ABCD3: variants seen among roughly 807,000 people sequenced by gnomAD.
ABCD3 encodes ATP binding cassette subfamily D member 3.
In ABCD3, 41 loss-of-function variants were observed where a neutral mutation model predicts 105.5. The ratio of observed to expected loss-of-function variants is 0.39; its 90% CI spans 0.30 to 0.50. ABCD3 has a LOEUF of 0.50. ABCD3 is among the 20% of genes least tolerant of loss of function. ABCD3 has a pLI of 0.84. For missense variants in ABCD3, 622 were observed against 806.3 expected, an observed-to-expected ratio of 0.77 and a Z score of 2.77; for synonymous variants, 258 against 269.0, an observed-to-expected ratio of 0.96 and a Z score of 0.40.
At chr1:94,416,504 T>G (rs1394241498), upstream of ABCD3, among the ~76,000 whole-genome samples, 3 of 152,194 alleles carry the variant, frequency 2.0e-5, no homozygotes, top group East Asian at 5.8e-4. Flanking sequence ...CAGGCATACT[T>G]AATTACGTAA....
chr1:94,430,117 A>T (rs1659616962), intron 1 of ABCD3, among the ~76,000 whole-genome samples: 1 of 152,250 alleles, frequency 6.6e-6, no homozygotes, highest in Admixed American at 6.5e-5. Context: ...GCACTGCCAG[A>T]TTCTGAACTT....
the ABCD3 span, among the ~76,000 whole-genome samples, chr1:94,411,740 C>T: frequency 6.6e-6 from 1 of 152,102 alleles, no homozygotes; most frequent in Non-Finnish European, 1.5e-5. Context: ...GTAGAAACAA[C>T]CCAAATGTGC....
chr1:94,488,811 T>A (rs546356051), intron 13 of ABCD3, among the ~76,000 whole-genome samples: 98 of 86,658 alleles, frequency 1.1e-3, no homozygotes, highest in Non-Finnish European at 1.9e-3. Flanking sequence ...TTAGGGTGTT[T>A]CCTTTCACTC....
intron 1 of ABCD3, among the ~76,000 whole-genome samples, chr1:94,444,505 T>G (rs746538900): frequency 1.1e-4 from 16 of 152,166 alleles, no homozygotes; most frequent in Non-Finnish European, 1.9e-4. Context: ...CTGGACAACA[T>G]GTTGAACCTT....
At chr1:94,421,356 T>C (rs1168389792) in intron 1 of ABCD3, among the ~76,000 whole-genome samples, 1 of 152,146 alleles carries the variant, frequency 6.6e-6, no homozygotes, top group Non-Finnish European at 1.5e-5. Flanking sequence ...CACCAGAAAG[T>C]TCCTTTGTAT....
rs1419966651 is a variant in ABCD3, at chr1:94,517,509, A to G, written c.*380A>G. 15 of 248,982 alleles carry G rather than the reference A, an allele frequency of 6.0e-5. No individual in the cohort carries two copies. The highest frequency in any genetic ancestry group is 1.5e-3 in the Middle Eastern group (1 of 656). The allele number at this position is 248,982 out of a possible 1,614,324, so 15.4% of individuals were successfully genotyped here. ...CCTTCAGTGAAGAACCCTATTTAAAACTGGGTCATCATTTGTCCTGTTCTA... is the reference window on the plus strand; with the variant it reads ...CCTTCAGTGAAGAACCCTATTTAAAGCTGGGTCATCATTTGTCCTGTTCTA... On this transcript the variant is annotated 3_prime_UTR_variant, in exon 23 of 23. Coordinates refer to ENST00000370214, the MANE Select transcript of ABCD3 (RefSeq NM_002858.4).
chr1:94,416,668 A>T (rs1659030306), upstream of ABCD3, among the ~76,000 whole-genome samples: 2 of 152,290 alleles, frequency 1.3e-5, no homozygotes, highest in Non-Finnish European at 1.5e-5. Flanking sequence ...TCAAGACAAG[A>T]TGTAGAAACC....
At chr1:94,475,551 T>G in intron 6 of ABCD3, 63 bp from the exon 7 acceptor site, 2 of 1,535,412 alleles carry the variant, frequency 1.3e-6, no homozygotes, top group Non-Finnish European at 1.8e-6. Flanking sequence ...ATATGATTTT[T>G]TTGTTGTTGT....
chr1:94,389,008 C>A, the ABCD3 span, among the ~76,000 whole-genome samples: 2 of 152,144 alleles, frequency 1.3e-5, no homozygotes, highest in Non-Finnish European at 2.9e-5. Context: ...ATTGGGCAAG[C>A]TTTGCCCCAT....
intron 21 of ABCD3, among the ~76,000 whole-genome samples, chr1:94,512,934 ACTATT>A (rs1395294170): frequency 6.6e-6 from 1 of 152,116 alleles, no homozygotes; most frequent in Non-Finnish European, 1.5e-5. Flanking sequence ...ATGAATTCCT[ACTATT>A]CCAAGTGTGT....
At chr1:94,444,286 T>A (rs1660253758) in intron 1 of ABCD3, among the ~76,000 whole-genome samples, 1 of 146,334 alleles carries the variant, frequency 6.8e-6, no homozygotes. Flanking sequence ...GAGCCAGGAT[T>A]GTGCCACTGT....
chr1:94,462,471 A>G (rs1032106735), intron 2 of ABCD3, among the ~76,000 whole-genome samples: 1 of 152,302 alleles, frequency 6.6e-6, no homozygotes, highest in African/African-American at 2.4e-5. Context: ...TTTGCAGAAA[A>G]CAATGATAAT....
chr1:94,406,396 A>G, the ABCD3 span: 4 of 275,248 alleles, frequency 1.5e-5, no homozygotes, highest in Non-Finnish European at 2.8e-5. Context: ...TACACTTACT[A>G]TGCCATGAAT....
At chr1:94,437,401 A>T (rs867113118) in intron 1 of ABCD3, among the ~76,000 whole-genome samples, 2 of 152,238 alleles carry the variant, frequency 1.3e-5, no homozygotes, top group African/African-American at 4.8e-5. Flanking sequence ...CTTAAGAATT[A>T]TGCTAAATTT....
intron 1 of ABCD3, among the ~76,000 whole-genome samples, chr1:94,443,606 G>C (rs188211723): frequency 1.1e-4 from 16 of 152,262 alleles, no homozygotes; most frequent in African/African-American, 3.9e-4. Context: ...TCTGGGATTT[G>C]TGTAGTTTTA....
the ABCD3 span, among the ~76,000 whole-genome samples, chr1:94,407,191 C>T: frequency 6.6e-6 from 1 of 152,134 alleles, no homozygotes; most frequent in Non-Finnish European, 1.5e-5. Context: ...GCTCTCACTG[C>T]CCAGGCTAGA....
chr1:94,478,184 T>C, intron 7 of ABCD3, 75 bp from the exon 8 acceptor site: 1 of 888,172 alleles, frequency 1.1e-6, no homozygotes, highest in Admixed American at 1.9e-5. Context: ...TGACATTTTA[T>C]AGTTAACATG....
At position 94,449,456 on chromosome 1, in the gene ABCD3, T is replaced by C. The variant is rs538934050; in HGVS notation, c.111-9151T>C. Among the ~76,000 whole-genome samples, 3 of 152,348 alleles carry C rather than the reference T, an allele frequency of 2.0e-5. No homozygotes were observed. The South Asian group carries it at 6.2e-4, about 32-fold the overall frequency. Reference sequence around the variant, plus strand: ...CAATGGCTGACACAGAGAACAATTATACTTATTGGGCATATTTATCAATCT... The same window carrying C: ...CAATGGCTGACACAGAGAACAATTACACTTATTGGGCATATTTATCAATCT... On this transcript the variant is annotated intron_variant, in intron 1 of 22. Coordinates refer to ENST00000370214, the MANE Select transcript of ABCD3 (RefSeq NM_002858.4).
At chr1:94,388,351 G>A in the ABCD3 span, among the ~76,000 whole-genome samples, 1 of 152,078 alleles carries the variant, frequency 6.6e-6, no homozygotes, top group Non-Finnish European at 1.5e-5. Context: ...GATTATGAAT[G>A]ATTGATGCAG....
Sources: allele counts gnomAD v4.1 joint callset (sites outside exome capture counted in the v4.1 genomes callset), GRCh38; gene constraint gnomAD v4.1.1; transcripts MANE v1.5; gene names NCBI Gene and HGNC (gene_info 2026-07-23, HGNC 2026-07-21).